ZFYVE9: variants seen among roughly 807,000 people sequenced by gnomAD.
ZFYVE9 encodes zinc finger FYVE domain-containing protein 9.
A neutral mutation model predicts 126.7 loss-of-function variants in ZFYVE9; 43 were observed. The observed-to-expected ratio is 0.34, with a 90% CI of 0.27 to 0.44. ZFYVE9 has a LOEUF of 0.44. Among genes scored for constraint, ZFYVE9 ranks in the 20% least tolerant of loss-of-function variants. The pLI is 1.00. For missense variants in ZFYVE9, 1,476 were observed against 1,697.0 expected, an observed-to-expected ratio of 0.87 and a Z score of 2.29; for synonymous variants, 521 against 597.4, an observed-to-expected ratio of 0.87 and a Z score of 1.87.
chr1:52,318,622 A>G (rs917560901), intron 13 of ZFYVE9, among the ~76,000 whole-genome samples: 9 of 152,062 alleles, frequency 5.9e-5, no homozygotes, highest in African/African-American at 2.2e-4. Context: ...AAAATTATAT[A>G]TATAAAAAAA....
Position 52,259,953 on chromosome 1 carries a change from G to A in ZFYVE9, c.2179-3820G>A, listed in dbSNP as rs77856445. On this transcript the variant is annotated intron_variant, in intron 4 of 18. Coordinates refer to ENST00000287727, the MANE Select transcript of ZFYVE9 (RefSeq NM_004799.4). ...TGGGTATACTGCAGTTTAATTAGCT[G>A]TTACACTACTGATGAACACTTGGGT... is the stretch of plus-strand genomic sequence containing the variant. Among the ~76,000 whole-genome samples, 167 of 152,170 alleles carry A rather than the reference G, an allele frequency of 1.1e-3. 2 individuals carry two copies. Among genetic ancestry groups the A allele is most frequent in the African/African-American group, 3.8e-3 (157 of 41,504 alleles).
At chr1:52,322,172 ATCT>A (rs1646246724) in intron 13 of ZFYVE9, among the ~76,000 whole-genome samples, 2 of 152,094 alleles carry the variant, frequency 1.3e-5, no homozygotes, top group African/African-American at 2.4e-5. Context: ...TCATCTTTGA[ATCT>A]TCTTTTCCTC....
intron 1 of ZFYVE9, among the ~76,000 whole-genome samples, chr1:52,214,997 C>G (rs1645059905): frequency 6.6e-6 from 1 of 152,186 alleles, no homozygotes; most frequent in Non-Finnish European, 1.5e-5. Flanking sequence ...CAGAAACACC[C>G]TCACAGACAT....
At chr1:52,253,414 A>T (rs185986374) in intron 4 of ZFYVE9, among the ~76,000 whole-genome samples, 115 of 152,356 alleles carry the variant, frequency 7.5e-4, no homozygotes, top group African/African-American at 2.5e-3. Context: ...TAAAATTTTT[A>T]AAATTTTATG....
chr1:52,333,066 T>C, intron 14 of ZFYVE9, 148 bp downstream of exon 14: 2 of 1,143,640 alleles, frequency 1.7e-6, no homozygotes, highest in Non-Finnish European at 2.5e-6. Context: ...TTCAGGATTA[T>C]GTTGACTCCC....
chr1:52,246,687 A>G (rs1220302151), intron 4 of ZFYVE9, among the ~76,000 whole-genome samples: 2 of 143,480 alleles, frequency 1.4e-5, no homozygotes, highest in Non-Finnish European at 3.0e-5. Context: ...ATGTGCCACC[A>G]CGTGTAACTA....
chr1:52,292,788 CT>C (rs1295707966), intron 10 of ZFYVE9, among the ~76,000 whole-genome samples: 1 of 151,894 alleles, frequency 6.6e-6, no homozygotes, highest in East Asian at 1.9e-4. Context: ...TCTTTATGAC[CT>C]TTGAGGTGAT....
intron 7 of ZFYVE9, among the ~76,000 whole-genome samples, chr1:52,272,671 A>ACCTTTTTTTTTTTTTTTTTTTTTTTTTT (rs1162973754): frequency 2.2e-5 from 3 of 134,850 alleles, no homozygotes; most frequent in African/African-American, 6.7e-5. Context: ...GCTAGAAATA[A>ACCTTTTTTTTTTTTTTTTTTTTTTTTTT]TCTTTTTTTT....
At chr1:52,262,642 C>G (rs1232641581) in intron 4 of ZFYVE9, among the ~76,000 whole-genome samples, 1 of 152,124 alleles carries the variant, frequency 6.6e-6, no homozygotes, top group Admixed American at 6.5e-5. Flanking sequence ...AATATGACCC[C>G]TCATCTCTTG....
chr1:52,255,972 C>CT lies in ZFYVE9; in HGVS notation c.2179-7798dup, dbSNP rs1226372335. ...TCTTTTCTTTTCTTTTCTTTTCTTT[C>CT]TTTCTTTCTTTCCTTCCTTCCTTCC... On this transcript the variant is annotated intron_variant, in intron 4 of 18. Transcript: ENST00000287727. Among the ~76,000 whole-genome samples the CT allele has an allele frequency of 5.0e-3, 430 of 86,732 alleles. 4 individuals are homozygous for CT. The highest frequency in any genetic ancestry group is 0.019 in the African/African-American group (392 of 20,554). The allele number at this position is 86,732 out of a possible 152,430, so 56.9% of individuals were successfully genotyped here. A position where few individuals can be genotyped will look rare whatever the true frequency, so the allele number is the denominator to read the frequency against.
Position 52,268,576 on chromosome 1 carries a change from C to A in ZFYVE9, c.2569C>A (p.Leu857Met). 1 of 1,614,164 alleles carries A rather than the reference C, an allele frequency of 6.2e-7. No individual in the cohort carries two copies. Among genetic ancestry groups the A allele is most frequent in the Non-Finnish European group, 8.5e-7 (1 of 1,180,014 alleles). The change falls in exon 7 of 19, where the codon CTG (leucine) becomes ATG (methionine). Residue 857 changes from leucine (L) to methionine (M), a missense_variant. Physicochemically the swap from Leu to Met is conservative, Grantham distance 15. Transcript: ENST00000287727. ...GAATGGAACTTCCTCTGCAGGAACC[C>A]TGGCTGTGTCACACGACCCAGTCAA... Reference protein sequence around the residue: ...TMNGTSSAGTLAVSHDPVKPV... With the variant: ...TMNGTSSAGTMAVSHDPVKPV...
chr1:52,264,841 C>T (rs1645617190), intron 5 of ZFYVE9, among the ~76,000 whole-genome samples: 1 of 152,202 alleles, frequency 6.6e-6, no homozygotes, highest in Admixed American at 6.5e-5. Context: ...CCAGTTTCCT[C>T]CCATTTCTGA....
chr1:52,333,097 T>G (rs1401987851), intron 14 of ZFYVE9, among the ~76,000 whole-genome samples, 179 bp downstream of exon 14: 1 of 152,090 alleles, frequency 6.6e-6, no homozygotes, highest in Non-Finnish European at 1.5e-5. Flanking sequence ...GACTCAGAGT[T>G]GCAAATGGGA....
intron 17 of ZFYVE9, among the ~76,000 whole-genome samples, chr1:52,343,710 C>T (rs1356974858): frequency 4.0e-5 from 6 of 151,148 alleles, no homozygotes; most frequent in Middle Eastern, 3.4e-3. Flanking sequence ...GAACTGAGAT[C>T]GCACCACCGC....
At chr1:52,313,180 A>G (rs1001066239) in intron 13 of ZFYVE9, among the ~76,000 whole-genome samples, 2 of 152,210 alleles carry the variant, frequency 1.3e-5, no homozygotes, top group African/African-American at 2.4e-5. Context: ...ATGTAAGACA[A>G]TGCATTTCTG....
intron 1 of ZFYVE9, among the ~76,000 whole-genome samples, chr1:52,202,503 A>G (rs1572096867): frequency 6.7e-6 from 1 of 148,386 alleles, no homozygotes; most frequent in Non-Finnish European, 1.5e-5. Context: ...CTGGTCTTGA[A>G]CTCCTGGCCT....
chr1:52,242,204 G>A (rs938694293), intron 4 of ZFYVE9, among the ~76,000 whole-genome samples: 1 of 152,052 alleles, frequency 6.6e-6, no homozygotes, highest in Non-Finnish European at 1.5e-5. Flanking sequence ...GCTAGTTTTT[G>A]TATTTTTAGT....
Position 52,216,394 on chromosome 1 carries a change from C to T in ZFYVE9, c.-117C>T. The T allele has an allele frequency of 5.0e-6, 2 of 398,452 alleles. No individual in the cohort carries two copies. The highest frequency in any genetic ancestry group is 8.9e-6 in the Non-Finnish European group (2 of 225,974). 24.7% of individuals were successfully genotyped at this position (398,452 alleles called of 1,614,324 possible). On this transcript the variant is annotated 5_prime_UTR_variant, in exon 2 of 19. Transcript: ENST00000287727. ...GATCAAACAGAGCATACTGAATCAG[C>T]AGGACTGGCTGGTGGTGCAGCAGAC...
At chr1:52,244,605 T>G (rs1021351939) in intron 4 of ZFYVE9, among the ~76,000 whole-genome samples, 1 of 152,168 alleles carries the variant, frequency 6.6e-6, no homozygotes, top group Non-Finnish European at 1.5e-5. Context: ...TAAAGCCTAA[T>G]AGTGAATTGA....
Sources: allele counts gnomAD v4.1 joint callset (sites outside exome capture counted in the v4.1 genomes callset), GRCh38; gene constraint gnomAD v4.1.1; transcripts MANE v1.5; gene names NCBI Gene and HGNC (gene_info 2026-07-23, HGNC 2026-07-21).